The following TENM4 variants were observed in gnomAD, a reference collection of about 807,000 sequenced individuals.
The protein encoded by TENM4 is teneurin-4.
Under a neutral mutation model 243.3 loss-of-function variants are expected in TENM4, and 82 were observed. That is an observed-to-expected ratio of 0.34 (90% CI 0.28 to 0.40). TENM4 has a LOEUF of 0.40. Among genes scored for constraint, TENM4 ranks in the 10% least tolerant of loss-of-function variants. TENM4 has a pLI of 1.00. For missense variants in TENM4, 3,138 were observed against 3,673.3 expected (o/e 0.85, Z 3.77); for synonymous variants, 1,412 against 1,456.3 (o/e 0.97, Z 0.69).
intron 4 of TENM4, among the ~76,000 whole-genome samples, chr11:79,102,712 A>G (rs972970713): frequency 7.2e-5 from 11 of 152,228 alleles, no homozygotes. Context: ...AACTCTGTCC[A>G]AAAAGGACTT....
At chr11:78,731,933 G>C (rs969709730) in intron 21 of TENM4, among the ~76,000 whole-genome samples, 2 of 152,122 alleles carry the variant, frequency 1.3e-5, no homozygotes, top group Non-Finnish European at 2.9e-5. Context: ...GGATCCTTTG[G>C]CACATTCCTC....
intron 1 of TENM4, among the ~76,000 whole-genome samples, chr11:79,306,899 C>T (rs1437411243): frequency 6.6e-6 from 1 of 152,126 alleles, no homozygotes; most frequent in Non-Finnish European, 1.5e-5. Context: ...TTCAAACAGC[C>T]AAGAAAACCT....
At chr11:78,746,096 G>C (rs1016025913) in intron 19 of TENM4, among the ~76,000 whole-genome samples, 1 of 152,200 alleles carries the variant, frequency 6.6e-6, no homozygotes, top group Non-Finnish European at 1.5e-5. Flanking sequence ...GGGGTTACAG[G>C]CTCCATAGTC....
chr11:78,976,872 A>G (rs1476918864), intron 6 of TENM4, among the ~76,000 whole-genome samples: 1 of 152,208 alleles, frequency 6.6e-6, no homozygotes, highest in Non-Finnish European at 1.5e-5. Flanking sequence ...AGGAATAAGC[A>G]TTTGCCAAAT....
chr11:79,152,338 C>T (rs545237247), intron 3 of TENM4, among the ~76,000 whole-genome samples: 1 of 152,258 alleles, frequency 6.6e-6, no homozygotes, highest in East Asian at 1.9e-4. Flanking sequence ...ACGGCTACAA[C>T]CACTTTCTTT....
At chr11:78,897,381 G>A (rs771392966) in intron 7 of TENM4, among the ~76,000 whole-genome samples, 31 of 152,128 alleles carry the variant, frequency 2.0e-4, no homozygotes, top group South Asian at 6.2e-4. Context: ...ACTCAACTAC[G>A]TGTTGAGTCT....
chr11:78,976,944 C>G (rs1444843561), intron 6 of TENM4, among the ~76,000 whole-genome samples: 14 of 152,204 alleles, frequency 9.2e-5, no homozygotes, highest in African/African-American at 1.2e-4. Flanking sequence ...AGCTCCGTAA[C>G]AGGAATCACT....
chr11:79,046,719 C>A (rs1399221568), intron 6 of TENM4, among the ~76,000 whole-genome samples: 2 of 152,164 alleles, frequency 1.3e-5, no homozygotes, highest in African/African-American at 2.4e-5. Context: ...TGGCAACCCA[C>A]TGGAGCTAGG....
chr11:79,017,772 C>T (rs76463246), intron 6 of TENM4, among the ~76,000 whole-genome samples: 15 of 152,310 alleles, frequency 9.8e-5, no homozygotes, highest in East Asian at 3.9e-4. Context: ...TCTTGAAATG[C>T]GGCACAGGCT....
intron 1 of TENM4, among the ~76,000 whole-genome samples, chr11:79,325,768 T>C (rs1281718656): frequency 6.6e-6 from 1 of 152,144 alleles, no homozygotes; most frequent in Non-Finnish European, 1.5e-5. Context: ...ATACAGATGA[T>C]TCACCAGATC....
intron 1 of TENM4, among the ~76,000 whole-genome samples, chr11:79,398,737 T>TAAA (rs5792854): frequency 9.7e-5 from 10 of 102,774 alleles, no homozygotes; most frequent in Admixed American, 2.2e-4. Context: ...TCAGATGCTT[T>TAAA]AAAAAAAAAA....
At chr11:79,296,115 G>T (rs963011475) in intron 2 of TENM4, among the ~76,000 whole-genome samples, 1 of 152,146 alleles carries the variant, frequency 6.6e-6, no homozygotes, top group African/African-American at 2.4e-5. Context: ...TGAAATTCCA[G>T]ACATTGAGGG....
At chr11:78,864,757 T>A (rs1180686625) in intron 9 of TENM4, among the ~76,000 whole-genome samples, 1 of 152,202 alleles carries the variant, frequency 6.6e-6, no homozygotes, top group Non-Finnish European at 1.5e-5. Flanking sequence ...ACACCCTGGA[T>A]GTAACATTCA....
chr11:79,415,836 T>G (rs1858800287), intron 1 of TENM4, among the ~76,000 whole-genome samples: 1 of 152,106 alleles, frequency 6.6e-6, no homozygotes. Flanking sequence ...ACAATCAAAA[T>G]AGTAACCATA....
chr11:79,250,310 G>T (rs372493430), intron 2 of TENM4, among the ~76,000 whole-genome samples: 32 of 152,314 alleles, frequency 2.1e-4, no homozygotes, highest in South Asian at 1.7e-3. Context: ...TTTTAACAGA[G>T]TGCCTAGAAA....
At chr11:79,407,204 A>G (rs1263617947) in intron 1 of TENM4, among the ~76,000 whole-genome samples, 2 of 152,224 alleles carry the variant, frequency 1.3e-5, no homozygotes, top group South Asian at 2.1e-4. Context: ...AGTTACTCTG[A>G]TCATTCTACT....
At chr11:78,824,763 C>G (rs1336252395) in intron 12 of TENM4, among the ~76,000 whole-genome samples, 1 of 152,160 alleles carries the variant, frequency 6.6e-6, no homozygotes, top group Non-Finnish European at 1.5e-5. Flanking sequence ...CTTGGCCTCC[C>G]AAAGTGTTAG....
chr11:79,144,902 G>A (rs1207095430), intron 4 of TENM4, among the ~76,000 whole-genome samples: 1 of 151,902 alleles, frequency 6.6e-6, no homozygotes, highest in African/African-American at 2.4e-5. Flanking sequence ...ATAATTTATT[G>A]TACATTTAAA....
chr11:79,264,694 C>T (rs1855854704), intron 2 of TENM4, among the ~76,000 whole-genome samples: 1 of 152,168 alleles, frequency 6.6e-6, no homozygotes, highest in African/African-American at 2.4e-5. Context: ...GGAAATGGGA[C>T]TAAAATCACA....
Sources: allele counts gnomAD v4.1 joint callset (sites outside exome capture counted in the v4.1 genomes callset), GRCh38; gene constraint gnomAD v4.1.1; transcripts MANE v1.5; gene names NCBI Gene and HGNC (gene_info 2026-07-23, HGNC 2026-07-21).